The following STK11IP variants were observed in gnomAD, a reference collection of about 807,000 sequenced individuals.
STK11IP encodes the protein serine/threonine kinase 11 interacting protein, also known as serine/threonine-protein kinase 11-interacting protein.
In STK11IP, 103 loss-of-function variants were observed where a neutral mutation model predicts 131.7. The observed-to-expected ratio is 0.78, with a 90% CI of 0.67 to 0.92. The LOEUF is 0.92. Among genes scored for constraint, STK11IP ranks in the 40% least tolerant of loss-of-function variants. The pLI is 0.00. For missense variants in STK11IP, 1,315 were observed against 1,385.7 expected, an observed-to-expected ratio of 0.95 and a Z score of 0.81; for synonymous variants, 557 against 575.6, an observed-to-expected ratio of 0.97 and a Z score of 0.46.
chr2:219,613,723 C>G (rs766428955), intron 20 of STK11IP, 29 bp from the exon 21 acceptor site: 25 of 1,611,806 alleles, frequency 1.6e-5, no homozygotes. Flanking sequence ...TCTCATGCTT[C>G]TCCATTGCTC....
rs753798312 is a variant in STK11IP, at chr2:219,615,074, G to T, written c.2870-20G>T. The stretch of plus-strand genomic sequence containing the variant: ...GGGCCCCTCCATGACCTTCCACACT[G>T]GATGCCTCTTTCCCTGCAGGCCCTT... On this transcript the variant is annotated intron_variant, in intron 23 of 24. Transcript: ENST00000456909. 6.2e-7 allele frequency: 1 copy of T among 1,602,226 alleles called. No individual in the cohort carries two copies. The highest frequency in any genetic ancestry group is 1.7e-5 in the Admixed American group (1 of 59,544).
chr2:219,611,923 T>C (rs581547), intron 18 of STK11IP, 32 bp from the exon 19 acceptor site: 1,538,582 of 1,575,870 alleles, frequency 0.98, 757,777 homozygotes, highest in East Asian at 1. Flanking sequence ...GGGGCTGCCA[T>C]GGGCAGGCTG....
In STK11IP at chr2:219,598,136, G is replaced by T; in HGVS notation, c.17G>T (p.Arg6Met). 6.3e-7 allele frequency: 1 copy of T among 1,590,528 alleles called. No individual in the cohort carries two copies. The highest frequency in any genetic ancestry group is 8.6e-7 in the Non-Finnish European group (1 of 1,168,874). ...CCCGTGGCCATGACGACCGCTCAGAGGGACTCCCTGTTGTGGAAGCTCGCG... is the reference window on the plus strand; with the variant it reads ...CCCGTGGCCATGACGACCGCTCAGATGGACTCCCTGTTGTGGAAGCTCGCG... MTTAQ[R>M]DSLLWKLAGL... Residue 6 changes from arginine to methionine, a missense_variant, in exon 2 of 25, where the codon AGG becomes ATG. By Grantham distance (91) the Arg-to-Met change is moderately conservative (BLOSUM62 -1). Transcript: ENST00000456909.
chr2:219,608,675 C>T lies in STK11IP; in HGVS notation c.1696C>T (p.Leu566=). 6.2e-7 allele frequency: 1 copy of T among 1,613,754 alleles called. No individual in the cohort carries two copies. The highest frequency in any genetic ancestry group is 8.5e-7 in the Non-Finnish European group (1 of 1,179,870). The part of the protein sequence containing the change: ...ECFLRVTSAH[L]FEVELQAART... ...CTTTCTCAGGGTCACTTCTGCCCAC[C>T]TGTTTGAGGTGGAACTCCAAGCAGC... Residue 566 remains leucine (L), a synonymous_variant, in exon 15 of 25, where the codon CTG becomes TTG. Transcript: ENST00000456909.
At chr2:219,606,168 C>T (rs766913842) in intron 9 of STK11IP, 27 bp from the exon 10 acceptor site, 13 of 1,552,498 alleles carry the variant, frequency 8.4e-6, no homozygotes, top group Admixed American at 3.9e-5. Flanking sequence ...CCCAGGCCCT[C>T]CTCATTCTCC....
intron 23 of STK11IP, chr2:219,614,765 G>A (rs2106168899): frequency 2.8e-6 from 2 of 710,438 alleles, no homozygotes; most frequent in African/African-American, 1.8e-5. Context: ...GTTACCCAGA[G>A]CCTTTGCTCT....
At chr2:219,610,558 A>T (rs1698363317) in intron 17 of STK11IP, among the ~76,000 whole-genome samples, 2 of 152,030 alleles carry the variant, frequency 1.3e-5, no homozygotes, top group African/African-American at 2.4e-5. Context: ...GCCCACCACC[A>T]CACCCAGCTA....
chr2:219,612,165 T>G (rs976973671), intron 19 of STK11IP, 107 bp downstream of exon 19: 4 of 1,046,122 alleles, frequency 3.8e-6, no homozygotes, highest in Non-Finnish European at 5.6e-6. Flanking sequence ...CTGATCTGGC[T>G]TCTGGTTTCA....
chr2:219,606,670 C>T, intron 11 of STK11IP, 42 bp from the exon 12 acceptor site: 1 of 1,595,388 alleles, frequency 6.3e-7, no homozygotes, highest in Non-Finnish European at 8.6e-7. Context: ...AGAGGTGCTC[C>T]CAGGCTCCAA....
In STK11IP at chr2:219,615,217, A is replaced by C. The variant is rs776425161; in HGVS notation, c.2993A>C (p.Lys998Thr). ...GCAGCATCTGGCGAAGCCTCTGAGA[A>C]GGTGCCTCCCTCGGGGCCGGGCCCT... Reference protein sequence around the residue: ...PPAASGEASEKVPPSGPGPAV... With the variant: ...PPAASGEASETVPPSGPGPAV... The change falls in exon 24 of 25, where the codon AAG (lysine) becomes ACG (threonine). Residue 998 changes from lysine (K) to threonine (T), a missense_variant. Lys to Thr is a moderately conservative substitution (Grantham distance 78, BLOSUM62 -1). Transcript: ENST00000456909. 3.8e-6 allele frequency: 6 copies of C among 1,596,444 alleles called. No homozygotes were observed. Among genetic ancestry groups the C allele is most frequent in the Non-Finnish European group, 5.1e-6 (6 of 1,175,266 alleles).
chr2:219,611,597 C>A lies in STK11IP; in HGVS notation c.2105-7C>A. On this transcript the variant is annotated splice_polypyrimidine_tract_variant and splice_region_variant and intron_variant, in intron 17 of 24. Transcript: ENST00000456909. ...GCTCATGGGGACCGTGTCCATCCTC[C>A]CTCCAGAATCTCCTGCTGTGTGTCC... 6.2e-7 allele frequency: 1 copy of A among 1,607,134 alleles called. No individual in the cohort carries two copies. Among genetic ancestry groups the A allele is most frequent in the Non-Finnish European group, 8.5e-7 (1 of 1,174,674 alleles).
chr2:219,611,477 G>A, intron 17 of STK11IP, 127 bp from the exon 18 acceptor site: 1 of 785,850 alleles, frequency 1.3e-6, no homozygotes, highest in South Asian at 1.6e-5. Context: ...GGGCGCGGTG[G>A]TTGTGTATGA....
Position 219,616,033 on chromosome 2 carries a change from C to G in STK11IP, c.3118-11C>G. 1 of 1,612,626 alleles carries G rather than the reference C, an allele frequency of 6.2e-7. No individual in the cohort carries two copies. The highest frequency in any genetic ancestry group is 8.5e-7 in the Non-Finnish European group (1 of 1,179,176). On this transcript the variant is annotated splice_polypyrimidine_tract_variant and intron_variant, in intron 24 of 24. Transcript: ENST00000456909. ...CATGAGCCTCGCCTTGCTAACTGCT[C>G]GGTCTGCCAGGTGTCCCGGCTGGAG...
chr2:219,605,554 CT>C (rs1180904197), intron 7 of STK11IP, 53 bp from the exon 8 acceptor site: 2 of 1,544,762 alleles, frequency 1.3e-6, no homozygotes, highest in African/African-American at 2.7e-5. Context: ...TCAGAGGACC[CT>C]GGCTAGAGTT....
rs756137600 is a variant in STK11IP at position 219,602,783 on chromosome 2, A to G, written c.618+7A>G. On this transcript the variant is annotated splice_region_variant and intron_variant, in intron 7 of 24. Transcript: ENST00000456909. ...CTGTCAGGGATTCCTGATGGTGAGTATGGGCAGTTTGGCAGCTGGCACACC... is the reference window on the plus strand; with the variant it reads ...CTGTCAGGGATTCCTGATGGTGAGTGTGGGCAGTTTGGCAGCTGGCACACC... 6.2e-7 allele frequency: 1 copy of G among 1,609,768 alleles called. No homozygotes were observed. The highest frequency in any genetic ancestry group is 1.7e-5 in the Admixed American group (1 of 59,438).
intron 5 of STK11IP, 129 bp downstream of exon 5, chr2:219,602,212 C>G (rs1698010009): frequency 2.8e-6 from 2 of 713,710 alleles, no homozygotes; most frequent in Non-Finnish European, 2.4e-6. Flanking sequence ...CTCACTCCCT[C>G]TCTGTGTTCC....
chr2:219,608,223 GCACCCAGACCTT>G lies in STK11IP; in HGVS notation c.1402_1413del (p.Arg468_Pro471del). 1 of 1,613,598 alleles carries G rather than the reference GCACCCAGACCTT, an allele frequency of 6.2e-7. No individual in the cohort carries two copies. The highest frequency in any genetic ancestry group is 1.1e-5 in the South Asian group (1 of 91,088). The stretch of plus-strand genomic sequence containing the variant: ...AGCCAGCTCCCAGGGCCCCGACACT[GCACCCAGACCTT>G]CACCCCCGCAGGAGGAAGCCAGAGG... On this transcript the variant is annotated inframe_deletion, in exon 14 of 25. Transcript: ENST00000456909.
At chr2:219,612,132 G>T (rs1346485169) in intron 19 of STK11IP, 74 bp downstream of exon 19, 29 of 1,377,820 alleles carry the variant, frequency 2.1e-5, no homozygotes, top group Non-Finnish European at 2.6e-5. Flanking sequence ...AGCCAACTGA[G>T]TCAGATCAAG....
intron 17 of STK11IP, among the ~76,000 whole-genome samples, chr2:219,610,599 T>G (rs1035257412): frequency 6.6e-6 from 1 of 152,166 alleles, no homozygotes; most frequent in Non-Finnish European, 1.5e-5. Flanking sequence ...AGATGGGGTT[T>G]CACCGTGTTA....
Sources: allele counts gnomAD v4.1 joint callset (sites outside exome capture counted in the v4.1 genomes callset), GRCh38; gene constraint gnomAD v4.1.1; transcripts MANE v1.5; gene names NCBI Gene and HGNC (gene_info 2026-07-23, HGNC 2026-07-21).